The following AFF1 variants were observed in gnomAD, a reference collection of about 807,000 sequenced individuals.
The protein encoded by AFF1 is AF4/FMR2 family member 1.
A neutral mutation model predicts 121.7 loss-of-function variants in AFF1; 48 were observed. That is an observed-to-expected ratio of 0.39 (90% CI 0.31 to 0.50). The LOEUF (loss-of-function observed/expected upper bound fraction) is 0.50. AFF1 is among the 20% of genes least tolerant of loss of function. AFF1 has a pLI of 0.76. For synonymous variants in AFF1, 613 were observed against 563.0 expected (o/e 1.09, Z -1.26); for missense variants, 1,523 against 1,511.7 (o/e 1.01, Z -0.12).
chr4:86,989,016 C>T (rs191531194), intron 2 of AFF1, among the ~76,000 whole-genome samples: 45 of 152,236 alleles, frequency 3.0e-4, no homozygotes, highest in Admixed American at 4.6e-4. Flanking sequence ...CCCTTCCTTA[C>T]ACCTTATACA....
At chr4:86,977,433 G>A (rs1723385024) in intron 2 of AFF1, among the ~76,000 whole-genome samples, 2 of 152,116 alleles carry the variant, frequency 1.3e-5, no homozygotes, top group Admixed American at 1.3e-4. Flanking sequence ...GATGACTGTG[G>A]GTAACTGAAA....
intron 8 of AFF1, among the ~76,000 whole-genome samples, chr4:87,099,620 G>A (rs1725218399): frequency 6.6e-6 from 1 of 152,186 alleles, no homozygotes; most frequent in Admixed American, 6.5e-5. Context: ...TTTGGCCCAG[G>A]CTTGTCTTGA....
At chr4:86,994,189 AC>A (rs1240536405) in intron 2 of AFF1, among the ~76,000 whole-genome samples, 1 of 152,238 alleles carries the variant, frequency 6.6e-6, no homozygotes, top group Non-Finnish European at 1.5e-5. Flanking sequence ...CTATATTTAA[AC>A]AAACATTTGT....
chr4:87,110,166 C>CT lies in AFF1; in HGVS notation c.1533+1859dup, dbSNP rs918472119. Among the ~76,000 whole-genome samples the CT allele has an allele frequency of 1.1e-4, 17 of 151,044 alleles. No homozygotes were observed. The South Asian group carries it at 1.5e-3, about 13-fold the overall frequency. ...ATTTTCACTCTTAACTTTCTCACTC[C>CT]TTTTTTTTATTTTTTTTTAACTTTC... On this transcript the variant is annotated intron_variant, in intron 11 of 20. Coordinates refer to ENST00000395146, the MANE Select transcript of AFF1 (RefSeq NM_001166693.3).
At chr4:86,967,770 G>A (rs1202764353) in intron 2 of AFF1, among the ~76,000 whole-genome samples, 1 of 152,030 alleles carries the variant, frequency 6.6e-6, no homozygotes, top group African/African-American at 2.4e-5. Flanking sequence ...GACTGAGAGT[G>A]GTACAAGTTC....
intron 4 of AFF1, among the ~76,000 whole-genome samples, chr4:87,053,831 T>G (rs2149632945): frequency 6.6e-6 from 1 of 152,302 alleles, no homozygotes; most frequent in East Asian, 1.9e-4. Context: ...ACAAGTGCTA[T>G]AAGGGAAACT....
Position 87,139,721 on chromosome 4 carries a change from C to T in AFF1, c.*4020C>T, listed in dbSNP as rs1042076982. The T allele has an allele frequency of 4.4e-6, 1 of 227,452 alleles. No individual in the cohort carries two copies. The highest frequency in any genetic ancestry group is 2.2e-5 in the African/African-American group (1 of 44,956). The allele number at this position is 227,452 out of a possible 1,614,324, so 14.1% of individuals were successfully genotyped here. Reference sequence around the variant, plus strand: ...TCCTGTGCCTTTATTTTGTGTCATTCTATTGGAAGGAGGTGTAACGGCAGA... The same window carrying T: ...TCCTGTGCCTTTATTTTGTGTCATTTTATTGGAAGGAGGTGTAACGGCAGA... On this transcript the variant is annotated 3_prime_UTR_variant, in exon 21 of 21. Coordinates refer to ENST00000395146, the MANE Select transcript of AFF1 (RefSeq NM_001166693.3).
chr4:87,016,123 G>C (rs1002384921), intron 2 of AFF1, among the ~76,000 whole-genome samples: 7 of 151,906 alleles, frequency 4.6e-5, no homozygotes, highest in African/African-American at 9.7e-5. Flanking sequence ...GGAGGTTGCA[G>C]TTAGCCAAGA....
At chr4:87,028,015 G>C (rs1321886342) in intron 2 of AFF1, among the ~76,000 whole-genome samples, 1 of 151,560 alleles carries the variant, frequency 6.6e-6, no homozygotes, top group East Asian at 1.9e-4. Context: ...GTGCTTATTG[G>C]AGCATTTTAT....
intron 8 of AFF1, among the ~76,000 whole-genome samples, chr4:87,096,269 G>C (rs918750086): frequency 6.6e-6 from 1 of 150,524 alleles, no homozygotes; most frequent in Admixed American, 6.6e-5. Flanking sequence ...CTTTTGCTGG[G>C]AAAGTAAAAT....
At chr4:87,022,581 T>TACACAC (rs1290825034) in intron 2 of AFF1, among the ~76,000 whole-genome samples, 2 of 89,924 alleles carry the variant, frequency 2.2e-5, no homozygotes, top group African/African-American at 1.0e-4. Context: ...TATATATATA[T>TACACAC]ATCTATCTAT....
intron 2 of AFF1, among the ~76,000 whole-genome samples, chr4:87,008,333 A>G (rs13142380): frequency 0.063 from 9,634 of 152,268 alleles, 432 homozygotes; most frequent in Non-Finnish European, 0.092. Flanking sequence ...GAAGACTCAG[A>G]TCATGGAGAG....
chr4:87,002,756 A>G (rs1725825925), intron 2 of AFF1, among the ~76,000 whole-genome samples: 1 of 152,128 alleles, frequency 6.6e-6, no homozygotes. Context: ...TGTAGGGTAA[A>G]TTGGGTCTGT....
At chr4:87,091,978 C>T in intron 7 of AFF1, 149 bp downstream of exon 7, 1 of 661,938 alleles carries the variant, frequency 1.5e-6, no homozygotes, top group Non-Finnish European at 2.6e-6. Context: ...TAAAACTATT[C>T]TTTATGTGGG....
chr4:87,135,099 A>G (rs1353393855), intron 20 of AFF1, among the ~76,000 whole-genome samples: 1 of 152,194 alleles, frequency 6.6e-6, no homozygotes, highest in African/African-American at 2.4e-5. Context: ...TGTTTTTAGT[A>G]TATGTTAAGA....
chr4:87,026,536 G>A (rs910942103), intron 2 of AFF1, among the ~76,000 whole-genome samples: 1 of 152,144 alleles, frequency 6.6e-6, no homozygotes, highest in Non-Finnish European at 1.5e-5. Context: ...TCTCTGTGTG[G>A]GGACCTTGAG....
chr4:87,047,186 T>G lies in AFF1; in HGVS notation c.651T>G (p.Pro217=). The change falls in exon 4 of 21, where the codon CCT becomes CCG. Residue 217 remains proline (P), a synonymous_variant. Coordinates refer to ENST00000395146, the MANE Select transcript of AFF1 (RefSeq NM_001166693.3). ...PLISLPSPVP[P]LSPIHSNQQT... is the part of the protein sequence containing the mutation. The stretch of plus-strand genomic sequence containing the variant: ...TCTCTTTGCCTTCCCCAGTTCCCCC[T>G]TTGTCACCTATACATTCCAACCAGC... 6.2e-7 allele frequency: 1 copy of G among 1,614,114 alleles called. No homozygotes were observed. The highest frequency in any genetic ancestry group is 1.1e-5 in the South Asian group (1 of 91,080).
At chr4:87,051,101 A>C (rs1012404172) in intron 4 of AFF1, among the ~76,000 whole-genome samples, 1 of 152,208 alleles carries the variant, frequency 6.6e-6, no homozygotes, top group Non-Finnish European at 1.5e-5. Flanking sequence ...CTGAATTTAG[A>C]ATGTTTGAAT....
intron 2 of AFF1, among the ~76,000 whole-genome samples, chr4:87,022,584 C>CTATATCTA (rs1480042253): frequency 8.9e-6 from 1 of 112,432 alleles, no homozygotes; most frequent in African/African-American, 3.1e-5. Context: ...ATATATATAT[C>CTATATCTA]TATCTATATC....
Sources: allele counts gnomAD v4.1 joint callset (sites outside exome capture counted in the v4.1 genomes callset), GRCh38; gene constraint gnomAD v4.1.1; transcripts MANE v1.5; gene names NCBI Gene and HGNC (gene_info 2026-07-23, HGNC 2026-07-21).